The following HNMT variants were observed in gnomAD, a reference collection of about 807,000 sequenced individuals.
HNMT encodes the protein histamine N-methyltransferase.
A neutral mutation model predicts 32.1 loss-of-function variants in HNMT; 30 were observed. The ratio of observed to expected loss-of-function variants is 0.93; its 90% CI spans 0.70 to 1.27. HNMT has a LOEUF of 1.27. HNMT is among the 50% of genes most tolerant of loss of function. The probability of loss-of-function intolerance (pLI) is 0.00; values close to 1 mark genes in which losing one functional copy is unlikely to be tolerated. For synonymous variants in HNMT, 125 were observed against 119.0 expected (o/e 1.05, Z -0.33); for missense variants, 327 against 346.0 (o/e 0.95, Z 0.43).
rs142759916 is a variant in HNMT, at chr2:137,980,348, T to C, written c.190+10131T>C. Among the ~76,000 whole-genome samples, 4 of 152,300 alleles carry C rather than the reference T, an allele frequency of 2.6e-5. No homozygotes were observed. In the East Asian group the frequency reaches 7.7e-4, roughly 29 times the overall value. ...CACCATGCCCGGTCCTGTAACAGTT[T>C]TATACCTGTGCAAATATTTAAAGAG... On this transcript the variant is annotated intron_variant, in intron 2 of 5. Transcript: ENST00000280097.
At chr2:137,977,369 G>A (rs1387529384) in intron 2 of HNMT, among the ~76,000 whole-genome samples, 1 of 152,038 alleles carries the variant, frequency 6.6e-6, no homozygotes, top group Non-Finnish European at 1.5e-5. Flanking sequence ...ATAAAACTTT[G>A]CAATTTAATA....
intron 2 of HNMT, among the ~76,000 whole-genome samples, chr2:137,979,744 A>G (rs1263367583): frequency 6.6e-6 from 1 of 152,162 alleles, no homozygotes; most frequent in Non-Finnish European, 1.5e-5. Context: ...AGATAGACTA[A>G]GAAAAAAATT....
At chr2:137,989,993 C>T (rs1680770632) in intron 2 of HNMT, among the ~76,000 whole-genome samples, 1 of 152,042 alleles carries the variant, frequency 6.6e-6, no homozygotes, top group Middle Eastern at 3.2e-3. Flanking sequence ...GGATAGTAAT[C>T]CTTTATCAGA....
chr2:138,002,198 A>G lies in HNMT; in HGVS notation c.429+4A>G. ...GGACTTTATTCATATGATTCAAGTA[A>G]GAAATATGTATTATAATATATACTC... On this transcript the variant is annotated splice_donor_region_variant and intron_variant, in intron 4 of 5. Transcript: ENST00000280097. 2 of 1,526,308 alleles carry G rather than the reference A, an allele frequency of 1.3e-6. No individual in the cohort carries two copies. Among genetic ancestry groups the G allele is most frequent in the Non-Finnish European group, 9.0e-7 (1 of 1,113,492 alleles). The allele number at this position is 1,526,308 out of a possible 1,614,324, so 94.5% of individuals were successfully genotyped here.
At chr2:137,980,623 G>A (rs1410649232) in intron 2 of HNMT, among the ~76,000 whole-genome samples, 2 of 152,038 alleles carry the variant, frequency 1.3e-5, no homozygotes, top group Non-Finnish European at 2.9e-5. Flanking sequence ...GAACATTTTG[G>A]TTGCATGACT....
intron 2 of HNMT, among the ~76,000 whole-genome samples, chr2:137,997,927 CA>C (rs1338634122): frequency 4.6e-5 from 7 of 151,988 alleles, no homozygotes; most frequent in Non-Finnish European, 1.5e-5. Context: ...AACAGAGAAC[CA>C]AATACCGCAT....
chr2:138,003,740 ATT>A (rs1017553824), intron 4 of HNMT, among the ~76,000 whole-genome samples: 20 of 152,096 alleles, frequency 1.3e-4, no homozygotes, highest in African/African-American at 3.1e-4. Flanking sequence ...CCAGATACTC[ATT>A]TTTTACCCTC....
chr2:137,984,377 C>G (rs888350243), intron 2 of HNMT, among the ~76,000 whole-genome samples: 1 of 152,214 alleles, frequency 6.6e-6, no homozygotes, highest in East Asian at 1.9e-4. Context: ...CATCACTTAG[C>G]ATTCTTTAGC....
At chr2:138,008,961 AACAG>A (rs1231352693) in intron 5 of HNMT, among the ~76,000 whole-genome samples, 2 of 152,110 alleles carry the variant, frequency 1.3e-5, no homozygotes, top group Non-Finnish European at 2.9e-5. Context: ...CAATAGAATA[AACAG>A]ACAACCTACG....
Position 137,964,580 on chromosome 2 carries a change from A to G in HNMT, c.89A>G (p.Gln30Arg). ...RRFLNHSTEHQCMQEFMDKKL... is the reference protein window; with the variant it reads ...RRFLNHSTEHRCMQEFMDKKL... ...TTTCTCAACCATTCCACGGAACACC[A>G]GTGCATGCAGGAATTCATGGACAAG... is the stretch of plus-strand genomic sequence containing the variant. The change falls in exon 1 of 6, where the codon CAG becomes CGG. Residue 30 changes from glutamine to arginine, a missense_variant. Transcript: ENST00000280097. The G allele has an allele frequency of 1.9e-6, 3 of 1,613,746 alleles. No homozygotes were observed. Among genetic ancestry groups the G allele is most frequent in the Non-Finnish European group, 2.5e-6 (3 of 1,179,684 alleles).
chr2:137,988,191 A>T (rs1037751525), intron 2 of HNMT, among the ~76,000 whole-genome samples: 3 of 152,226 alleles, frequency 2.0e-5, no homozygotes, highest in African/African-American at 7.2e-5. Context: ...TCCATTTTAT[A>T]GTCACTAGAA....
chr2:137,977,869 T>C (rs1368478483), intron 2 of HNMT, among the ~76,000 whole-genome samples: 1 of 152,010 alleles, frequency 6.6e-6, no homozygotes, highest in Non-Finnish European at 1.5e-5. Context: ...TTCCATATTA[T>C]CACAGCCCCA....
At position 138,014,743 on chromosome 2, in the gene HNMT, A is replaced by T. The variant is rs1401546829; in HGVS notation, c.*613A>T. On this transcript the variant is annotated 3_prime_UTR_variant, in exon 6 of 6. Coordinates refer to ENST00000280097, the MANE Select transcript of HNMT (RefSeq NM_006895.3). ...TTTGTTTGTCTTTTTGATATACTGAAGTTTTCTATTATATTCAGCCAGATT... is the reference window on the plus strand; with the variant it reads ...TTTGTTTGTCTTTTTGATATACTGATGTTTTCTATTATATTCAGCCAGATT... 6.6e-6 allele frequency: 1 copy of T among 151,738 alleles called. No homozygotes were observed. Among genetic ancestry groups the T allele is most frequent in the African/African-American group, 2.4e-5 (1 of 41,314 alleles). 9.4% of individuals were successfully genotyped at this position (151,738 alleles called of 1,614,324 possible).
At chr2:137,995,078 T>C (rs1047530699) in intron 2 of HNMT, among the ~76,000 whole-genome samples, 20 of 152,124 alleles carry the variant, frequency 1.3e-4, no homozygotes, top group South Asian at 4.2e-4. Context: ...AGATCTCAAG[T>C]TGACACCCTA....
intron 2 of HNMT, chr2:137,981,665 A>G (rs1680504284): frequency 2.5e-6 from 1 of 399,968 alleles, no homozygotes; most frequent in South Asian, 4.5e-5. Context: ...TATATCATGA[A>G]CTGTGGTAAA....
chr2:137,970,929 AAAAAAAAGAAAG>A (rs1558950950), intron 2 of HNMT, among the ~76,000 whole-genome samples: 4 of 66,114 alleles, frequency 6.1e-5, no homozygotes, highest in East Asian at 1.1e-3. Flanking sequence ...CAAAAAAAAA[AAAAAAAAGAAAG>A]AAAGAAAGAA....
At chr2:137,986,527 C>T (rs1680655574) in intron 2 of HNMT, among the ~76,000 whole-genome samples, 1 of 152,100 alleles carries the variant, frequency 6.6e-6, no homozygotes, top group Non-Finnish European at 1.5e-5. Context: ...GGAGGGCAGT[C>T]TGCTTTACTC....
chr2:137,976,618 G>T (rs899537685), intron 2 of HNMT, among the ~76,000 whole-genome samples: 2 of 152,154 alleles, frequency 1.3e-5, no homozygotes, highest in Admixed American at 1.3e-4. Flanking sequence ...AACTAAAAAT[G>T]AGTAAAAACT....
chr2:137,977,649 G>T (rs931294160), intron 2 of HNMT, among the ~76,000 whole-genome samples: 3 of 151,944 alleles, frequency 2.0e-5, no homozygotes, highest in African/African-American at 4.8e-5. Flanking sequence ...AATTCAAAAA[G>T]ACTTAAAAAG....
Sources: allele counts gnomAD v4.1 joint callset (sites outside exome capture counted in the v4.1 genomes callset), GRCh38; gene constraint gnomAD v4.1.1; transcripts MANE v1.5; gene names NCBI Gene and HGNC (gene_info 2026-07-23, HGNC 2026-07-21).